The following XPR1 variants were observed in gnomAD, a reference collection of about 807,000 sequenced individuals.
XPR1 encodes the protein solute carrier family 53 member 1.
In XPR1, 28 loss-of-function variants were observed where a neutral mutation model predicts 87.5. The ratio of observed to expected loss-of-function variants is 0.32; its 90% CI spans 0.24 to 0.44. XPR1 has a LOEUF of 0.44. Among genes scored for constraint, XPR1 ranks in the 20% least tolerant of loss-of-function variants. The pLI is 1.00. For missense variants in XPR1, 559 were observed against 862.3 expected, an observed-to-expected ratio of 0.65 and a Z score of 4.41; for synonymous variants, 300 against 306.1, an observed-to-expected ratio of 0.98 and a Z score of 0.21.
At chr1:180,645,264 A>G (rs1334592389) in intron 1 of XPR1, among the ~76,000 whole-genome samples, 2 of 152,312 alleles carry the variant, frequency 1.3e-5, no homozygotes, top group East Asian at 3.9e-4. Flanking sequence ...GTTGGGAGGT[A>G]ATGCTTAAAT....
At chr1:180,756,460 C>T (rs1647748125) in intron 2 of XPR1, among the ~76,000 whole-genome samples, 1 of 152,132 alleles carries the variant, frequency 6.6e-6, no homozygotes, top group African/African-American at 2.4e-5. Context: ...CTATTCACAT[C>T]CTCTGCCCAT....
intron 1 of XPR1, among the ~76,000 whole-genome samples, chr1:180,655,872 A>G (rs935070813): frequency 1.3e-5 from 2 of 152,086 alleles, no homozygotes; most frequent in Non-Finnish European, 2.9e-5. Flanking sequence ...AGTATATAGC[A>G]TATTTTGATA....
rs1348675722 is a variant in XPR1, at chr1:180,726,768, A to G, written c.121+44357A>G. On this transcript the variant is annotated intron_variant, in intron 2 of 14. Coordinates refer to ENST00000367590, the MANE Select transcript of XPR1 (RefSeq NM_004736.4). ...CCACTCTTCTCACCATTTTGGAGGG[A>G]GGTAGAGGGAATACTTATTTTTGTA... Among the ~76,000 whole-genome samples, 5 of 152,274 alleles carry G rather than the reference A, an allele frequency of 3.3e-5. No individual in the cohort carries two copies. The East Asian group carries it at 7.7e-4, about 23-fold the overall frequency.
At chr1:180,831,045 G>A (rs1165332420) in intron 9 of XPR1, among the ~76,000 whole-genome samples, 3 of 152,226 alleles carry the variant, frequency 2.0e-5, no homozygotes, top group Non-Finnish European at 4.4e-5. Context: ...AGAACAGTGG[G>A]AAGAGGGCTG....
chr1:180,636,966 C>T (rs1477898774), intron 1 of XPR1, among the ~76,000 whole-genome samples: 2 of 144,750 alleles, frequency 1.4e-5, no homozygotes, highest in Admixed American at 7.2e-5. Context: ...GCAGGAGAAT[C>T]GATTGAACCG....
intron 2 of XPR1, among the ~76,000 whole-genome samples, chr1:180,737,817 G>T (rs917202646): frequency 6.6e-6 from 1 of 151,976 alleles, no homozygotes; most frequent in Non-Finnish European, 1.5e-5. Context: ...GTAGCATTCC[G>T]TTGCATAATG....
chr1:180,775,490 A>T (rs984294872), intron 2 of XPR1, among the ~76,000 whole-genome samples: 1 of 152,194 alleles, frequency 6.6e-6, no homozygotes, highest in Non-Finnish European at 1.5e-5. Flanking sequence ...TTCATCTTGG[A>T]TTATCCTCAG....
At chr1:180,719,338 G>A (rs1658103982) in intron 2 of XPR1, among the ~76,000 whole-genome samples, 1 of 152,152 alleles carries the variant, frequency 6.6e-6, no homozygotes, top group South Asian at 2.1e-4. Flanking sequence ...GAAAAAAGTT[G>A]GAAGTATATT....
chr1:180,767,168 T>A (rs1387271786), intron 2 of XPR1, among the ~76,000 whole-genome samples: 1 of 152,214 alleles, frequency 6.6e-6, no homozygotes, highest in African/African-American at 2.4e-5. Context: ...AAGTTCTGTT[T>A]GTTACTTTTC....
chr1:180,880,315 T>C lies in XPR1; in HGVS notation c.2030+18T>C, dbSNP rs971424962. ...GCTTCTCAGTATGTATGGCTTCTAC[T>C]TCTGTGAGGCATATTTCCTTTGAGT... is the stretch of plus-strand genomic sequence containing the variant. On this transcript the variant is annotated intron_variant, in intron 14 of 14. Transcript: ENST00000367590. The C allele has an allele frequency of 2.1e-5, 34 of 1,613,356 alleles. No homozygotes were observed. Among genetic ancestry groups the C allele is most frequent in the Non-Finnish European group, 2.8e-5 (33 of 1,179,420 alleles).
intron 11 of XPR1, among the ~76,000 whole-genome samples, chr1:180,837,881 A>G (rs1207832471): frequency 6.6e-6 from 1 of 152,110 alleles, no homozygotes; most frequent in Middle Eastern, 3.2e-3. Flanking sequence ...GGTATTTATG[A>G]CTCCATTTAC....
At position 180,731,803 on chromosome 1, in the gene XPR1, A is replaced by G. The variant is rs76864988; in HGVS notation, c.121+49392A>G. On this transcript the variant is annotated intron_variant, in intron 2 of 14. Transcript: ENST00000367590. The stretch of plus-strand genomic sequence containing the variant: ...ATTCTTAAAGCACATCTCAATTTGA[A>G]CTGGCTGCCACATTTCAGGTATTCA... Among the ~76,000 whole-genome samples the G allele has an allele frequency of 1.1e-3, 160 of 152,332 alleles. 2 individuals are homozygous for G. The East Asian group carries it at 0.026, about 25-fold the overall frequency.
In XPR1 at chr1:180,887,429, T is replaced by C. The variant is rs143023846; in HGVS notation, c.*3363T>C. ...AGAGAAATTAAAAGACAAGAGTGGT[T>C]TACTGTCTATGCACAAATGAGTGCC... On this transcript the variant is annotated 3_prime_UTR_variant, in exon 15 of 15. Transcript: ENST00000367590. The C allele has an allele frequency of 4.6e-5, 7 of 152,274 alleles. No homozygotes were observed. Among genetic ancestry groups the C allele is most frequent in the African/African-American group, 1.7e-4 (7 of 41,542 alleles). 9.4% of individuals were successfully genotyped at this position (152,274 alleles called of 1,614,324 possible).
chr1:180,881,928 A>C (rs538993248), intron 14 of XPR1, among the ~76,000 whole-genome samples: 1 of 152,222 alleles, frequency 6.6e-6, no homozygotes, highest in South Asian at 2.1e-4. Flanking sequence ...GCATCAAAAC[A>C]AAGCATGGTT....
intron 2 of XPR1, among the ~76,000 whole-genome samples, chr1:180,725,902 T>C (rs948947145): frequency 1.3e-5 from 2 of 152,232 alleles, no homozygotes; most frequent in African/African-American, 2.4e-5. Flanking sequence ...AACTATGACA[T>C]GGCCCTGATA....
chr1:180,883,110 G>A (rs188064574), intron 14 of XPR1, among the ~76,000 whole-genome samples: 117 of 141,090 alleles, frequency 8.3e-4, no homozygotes, highest in African/African-American at 2.9e-3. Context: ...CTACAGGTTT[G>A]CACTATCATA....
intron 1 of XPR1, among the ~76,000 whole-genome samples, chr1:180,679,805 G>T (rs576532045): frequency 1.3e-5 from 2 of 152,216 alleles, no homozygotes; most frequent in Non-Finnish European, 2.9e-5. Context: ...GATCATCACT[G>T]AAAAATGCTT....
intron 2 of XPR1, among the ~76,000 whole-genome samples, chr1:180,690,014 G>C (rs1250169311): frequency 6.6e-6 from 1 of 152,012 alleles, no homozygotes; most frequent in East Asian, 1.9e-4. Flanking sequence ...AAATTAGCTG[G>C]GTGTGGTGGC....
In XPR1 at chr1:180,774,384, CTTTTTTTT is replaced by C. The variant is rs71121051; in HGVS notation, c.122-13353_122-13346del. Among the ~76,000 whole-genome samples the C allele has an allele frequency of 6.0e-3, 416 of 68,916 alleles. 4 individuals are homozygous for C. The Middle Eastern group carries it at 0.073, about 12-fold the overall frequency. 45.2% of individuals were successfully genotyped at this position (68,916 alleles called of 152,430 possible). On this transcript the variant is annotated intron_variant, in intron 2 of 14. Transcript: ENST00000367590. ...AAAAAAAGAAATCTGTCTTTCCTAT[CTTTTTTTT>C]TTTTTTTTTTTTTTTGAGATGGAAG...
Sources: gnomAD v4.1 joint callset for allele counts (sites outside exome capture counted in the v4.1 genomes callset) on GRCh38, gnomAD v4.1.1 for gene constraint, MANE v1.5 for transcripts, NCBI Gene and HGNC (gene_info 2026-07-23, HGNC 2026-07-21) for gene names.